Variants in PUS3 observed in about 807,000 individuals in gnomAD.
The protein encoded by PUS3 is pseudouridine synthase 3, also known as tRNA pseudouridine(38/39) synthase.
Under a neutral mutation model 43.3 loss-of-function variants are expected in PUS3, and 36 were observed. The ratio of observed to expected loss-of-function variants is 0.83; its 90% confidence interval spans 0.64 to 1.10. The LOEUF is 1.10. PUS3 is among the 50% of genes least tolerant of loss of function. The probability of loss-of-function intolerance (pLI) is 0.00; values close to 1 mark genes in which losing one functional copy is unlikely to be tolerated. For missense variants in PUS3, 544 were observed against 589.9 expected, an observed-to-expected ratio of 0.92 and a Z score of 0.81; for synonymous variants, 183 against 199.2, an observed-to-expected ratio of 0.92 and a Z score of 0.69.
intron 1 of PUS3, among the ~76,000 whole-genome samples, chr11:125,896,836 A>T (rs1486547226): frequency 6.6e-6 from 1 of 152,200 alleles, no homozygotes; most frequent in Non-Finnish European, 1.5e-5. Context: ...GGTGCAATAG[A>T]AGCTAGCCTA....
chr11:125,899,212 C>T (rs1489741425), intron 1 of PUS3: 1 of 648,278 alleles, frequency 1.5e-6, no homozygotes, highest in African/African-American at 1.8e-5. Flanking sequence ...TCTGATACTA[C>T]CCTGTATTGA....
chr11:125,894,034 G>C lies in PUS3; in HGVS notation c.1197C>G (p.Thr399=), dbSNP rs1266696316. The change falls in exon 4 of 4, where the codon ACC becomes ACG. Residue 399 remains threonine, a synonymous_variant. Coordinates refer to ENST00000227474, the MANE Select transcript of PUS3 (RefSeq NM_031307.4). ...TCTTCACTCCTTCTACAAAGGCACT[G>C]GTCTGCTTTATGACAGAGGGCTTAA... The part of the protein sequence containing the change: ...GNVKPSVIKQ[T]SAFVEGVKMR... 1.9e-6 allele frequency: 3 copies of C among 1,614,178 alleles called. No homozygotes were observed. Among genetic ancestry groups the C allele is most frequent in the Admixed American group, 1.7e-5 (1 of 60,016 alleles).
rs747920338 is a variant in PUS3, at chr11:125,896,230, G to C, written c.55C>G (p.Arg19Gly). 6.2e-6 allele frequency: 10 copies of C among 1,613,676 alleles called. No individual in the cohort carries two copies. Among genetic ancestry groups the C allele is most frequent in the African/African-American group, 2.7e-5 (2 of 74,832 alleles). Residue 19 changes from arginine (R) to glycine (G), a missense_variant, in exon 2 of 4, where the codon CGA (arginine) becomes GGA (glycine). Transcript: ENST00000227474. The part of the protein sequence containing the change: ...NQTEKLLKRV[R>G]ELEQEVQRLK... ...CTTTGCACCTCTTGCTCCAGTTCTC[G>C]TACTCTTTTTAGGAGCTTCTCAGTC...
At chr11:125,895,172 C>T (rs2134243472) in intron 3 of PUS3, 52 bp downstream of exon 3, 5 of 1,444,904 alleles carry the variant, frequency 3.5e-6, no homozygotes, top group African/African-American at 1.4e-5. Context: ...TCAAGCGTCC[C>T]GAGTAGCTGG....
rs115791620 is a variant in PUS3, at chr11:125,901,416, G to T, written c.-47+1754C>A. On this transcript the variant is annotated intron_variant, in intron 1 of 3. Coordinates refer to ENST00000227474, the MANE Select transcript of PUS3 (RefSeq NM_031307.4). ...GGGTGCAGATCAAAATAGGAATTCT[G>T]CTCACCTTAAATTGTAATTTATCTG... is the stretch of plus-strand genomic sequence containing the variant. Among the ~76,000 whole-genome samples, 71 of 152,256 alleles carry T rather than the reference G, an allele frequency of 4.7e-4. 1 individual carries two copies. The highest frequency in any genetic ancestry group is 1.7e-3 in the African/African-American group (70 of 41,548).
Position 125,894,008 on chromosome 11 carries a change from A to G in PUS3, c.1223T>C (p.Met408Thr). Reference protein sequence around the residue: ...QTSAFVEGVKMRTYKPLMDRP... With the variant: ...QTSAFVEGVKTRTYKPLMDRP... ...GTCCATGAGGGGCTTATATGTGCGC[A>G]TCTTCACTCCTTCTACAAAGGCACT... Residue 408 changes from methionine (M) to threonine (T), a missense_variant, in exon 4 of 4, where the codon ATG becomes ACG. By Grantham distance (81) the Met-to-Thr change is moderately conservative. Transcript: ENST00000227474. 6.2e-7 allele frequency: 1 copy of G among 1,614,218 alleles called. No homozygotes were observed. Among genetic ancestry groups the G allele is most frequent in the Non-Finnish European group, 8.5e-7 (1 of 1,180,038 alleles).
chr11:125,896,205 C>A lies in PUS3; in HGVS notation c.80G>T (p.Arg27Ile), dbSNP rs1242219731. 6.2e-7 allele frequency: 1 copy of A among 1,614,118 alleles called. No individual in the cohort carries two copies. The highest frequency in any genetic ancestry group is 1.1e-5 in the South Asian group (1 of 91,088). Residue 27 changes from arginine (R) to isoleucine (I), a missense_variant, in exon 2 of 4, where the codon AGA becomes ATA. Arg to Ile is a moderately conservative substitution (Grantham distance 97). Coordinates refer to ENST00000227474, the MANE Select transcript of PUS3 (RefSeq NM_031307.4). The stretch of plus-strand genomic sequence containing the variant: ...ATTTTTGGCCTGTTCCTTTTTAAGT[C>A]TTTGCACCTCTTGCTCCAGTTCTCG... ...RVRELEQEVQRLKKEQAKNKE... is the reference protein window; with the variant it reads ...RVRELEQEVQILKKEQAKNKE...
rs1944586236 is a variant in PUS3, at chr11:125,896,246, C to T, written c.39G>A (p.Lys13=). The T allele has an allele frequency of 1.2e-6, 2 of 1,613,020 alleles. No homozygotes were observed. Among genetic ancestry groups the T allele is most frequent in the South Asian group, 1.1e-5 (1 of 91,034 alleles). Residue 13 remains lysine, a synonymous_variant, in exon 2 of 4, where the codon AAG becomes AAA. Coordinates refer to ENST00000227474, the MANE Select transcript of PUS3 (RefSeq NM_031307.4). ...CCAGTTCTCGTACTCTTTTTAGGAG[C>T]TTCTCAGTCTGGTTTCTGTCTGTGT... ...YNDTDRNQTE[K]LLKRVRELEQ...
intron 3 of PUS3, among the ~76,000 whole-genome samples, chr11:125,895,013 A>AT (rs1231825678): frequency 6.6e-6 from 1 of 151,796 alleles, no homozygotes; most frequent in African/African-American, 2.4e-5. Flanking sequence ...TGACTTCGTT[A>AT]TTTAGACAGT....
At chr11:125,899,329 T>C (rs1479246206) in intron 1 of PUS3, 12 of 1,580,668 alleles carry the variant, frequency 7.6e-6, no homozygotes, top group Non-Finnish European at 1.0e-5. Context: ...AACTGACCAA[T>C]GTTATCTCTT....
At position 125,895,468 on chromosome 11, in the gene PUS3, C is replaced by A. The variant is rs148017767; in HGVS notation, c.700G>T (p.Val234Leu). The A allele has an allele frequency of 4.2e-4, 675 of 1,614,002 alleles. 2 individuals are homozygous for A. The highest frequency in any genetic ancestry group is 5.3e-4 in the Non-Finnish European group (631 of 1,180,016). Residue 234 changes from valine (V) to leucine (L), a missense_variant, in exon 3 of 4, where the codon GTG becomes TTG. By Grantham distance (32) the Val-to-Leu change is conservative. Coordinates refer to ENST00000227474, the MANE Select transcript of PUS3 (RefSeq NM_031307.4). Reference sequence around the variant, plus strand: ...AGAATAGTCCTCTGAAAATTAATCACACCGTTGGCTACATCCATTTTACAC... The same window carrying A: ...AGAATAGTCCTCTGAAAATTAATCAAACCGTTGGCTACATCCATTTTACAC... ...NLCKMDVANG[V>L]INFQRTILSA...
At chr11:125,896,383 T>C (rs1462553147) in intron 1 of PUS3, 53 bp from the exon 2 acceptor site, 1 of 1,179,344 alleles carries the variant, frequency 8.5e-7, no homozygotes, top group Non-Finnish European at 1.2e-6. Flanking sequence ...CCTTTGATGA[T>C]GTTCTAATGG....
chr11:125,899,251 C>T lies in PUS3; in HGVS notation c.-46-2921G>A. ...TATGATGGCCTTAGCCATTCTTTCT[C>T]CATTTGACTGCTATAAAACGGAGAT... On this transcript the variant is annotated intron_variant, in intron 1 of 3. Transcript: ENST00000227474. 3.5e-6 allele frequency: 3 copies of T among 848,756 alleles called. No homozygotes were observed. The East Asian group carries it at 7.5e-5, about 21-fold the overall frequency. 52.6% of individuals were successfully genotyped at this position (848,756 alleles called of 1,614,324 possible).
chr11:125,900,806 C>G (rs1374864906), intron 1 of PUS3: 3 of 157,780 alleles, frequency 1.9e-5, no homozygotes, highest in African/African-American at 7.3e-5. Context: ...GTCAGGAGAT[C>G]GAGACCATCC....
Position 125,893,809 on chromosome 11 carries a change from G to C in PUS3, c.1422C>G (p.Asp474Glu), listed in dbSNP as rs752730965. ...GTTAAATGATGCTTTTAATTTCTGTGTCAACACAGACCCTCTTCGTTGGTG... is the reference window on the plus strand; with the variant it reads ...GTTAAATGATGCTTTTAATTTCTGTCTCAACACAGACCCTCTTCGTTGGTG... ...LETPTKRVCV[D>E]TEIKSII The change falls in exon 4 of 4, where the codon GAC becomes GAG. Residue 474 changes from aspartate (D) to glutamate (E), a missense_variant. Coordinates refer to ENST00000227474, the MANE Select transcript of PUS3 (RefSeq NM_031307.4). 50 of 1,611,190 alleles carry C rather than the reference G, an allele frequency of 3.1e-5. No homozygotes were observed. The highest frequency in any genetic ancestry group is 4.2e-5 in the Non-Finnish European group (49 of 1,178,862).
At chr11:125,896,414 G>A in intron 1 of PUS3, 84 bp from the exon 2 acceptor site, 3 of 934,338 alleles carry the variant, frequency 3.2e-6, no homozygotes, top group Non-Finnish European at 4.7e-6. Flanking sequence ...TTAATTTAAT[G>A]CCCAAAGAAT....
chr11:125,895,051 CTTTT>C (rs11384524), intron 3 of PUS3, among the ~76,000 whole-genome samples, 169 bp downstream of exon 3: 1 of 142,028 alleles, frequency 7.0e-6, no homozygotes, highest in African/African-American at 2.6e-5. Context: ...TATGCTATTT[CTTTT>C]TTTTTTTTTT....
At chr11:125,898,791 CTT>C (rs967677586) in intron 1 of PUS3, among the ~76,000 whole-genome samples, 1 of 151,566 alleles carries the variant, frequency 6.6e-6, no homozygotes, top group African/African-American at 2.4e-5. Flanking sequence ...TCAAATCACT[CTT>C]TTATGGTTAA....
At chr11:125,896,478 C>T (rs1226502862) in intron 1 of PUS3, 148 bp from the exon 2 acceptor site, 1 of 595,224 alleles carries the variant, frequency 1.7e-6, no homozygotes, top group African/African-American at 1.8e-5. Flanking sequence ...GGTTGATCAT[C>T]CACAGATAGC....
Sources: allele counts gnomAD v4.1 joint callset (sites outside exome capture counted in the v4.1 genomes callset), GRCh38; gene constraint gnomAD v4.1.1; transcripts MANE v1.5; gene names NCBI Gene and HGNC (gene_info 2026-07-23, HGNC 2026-07-21).